The following RPS6KA1 variants were observed in gnomAD, a reference collection of about 807,000 sequenced individuals.
RPS6KA1 encodes ribosomal protein S6 kinase alpha-1.
A neutral mutation model predicts 91.3 loss-of-function variants in RPS6KA1; 48 were observed. That is an observed-to-expected ratio of 0.53 (90% CI 0.42 to 0.67). The LOEUF (loss-of-function observed/expected upper bound fraction) is 0.67, where lower values mean the gene tolerates loss of function less well. Ranked by LOEUF, RPS6KA1 falls within the 30% of genes least tolerant of loss-of-function variation. RPS6KA1 has a pLI of 0.00. For synonymous variants in RPS6KA1, 359 were observed against 384.7 expected (o/e 0.93, Z 0.78); for missense variants, 719 against 960.5 (o/e 0.75, Z 3.32).
chr1:26,531,260 G>A (rs993579956), intron 1 of RPS6KA1: 4 of 154,632 alleles, frequency 2.6e-5, no homozygotes, highest in Non-Finnish European at 5.8e-5. Flanking sequence ...TACAGGCACT[G>A]CTAGGCTGCT....
chr1:26,544,497 C>T (rs1410678048), intron 2 of RPS6KA1, among the ~76,000 whole-genome samples: 6 of 150,296 alleles, frequency 4.0e-5, no homozygotes, highest in South Asian at 2.1e-4. Flanking sequence ...TTTTTTGAAA[C>T]GGAGTCTCAC....
Position 26,547,250 on chromosome 1 carries a change from T to G in RPS6KA1, c.287T>G (p.Leu96Arg). 1 of 1,613,958 alleles carries G rather than the reference T, an allele frequency of 6.2e-7. No individual in the cohort carries two copies. The highest frequency in any genetic ancestry group is 8.5e-7 in the Non-Finnish European group (1 of 1,180,006). ...DSGHLYAMKV[L>R]KKATLKVRDR... Reference sequence around the variant, plus strand: ...GGGCACCTGTATGCTATGAAGGTGCTGAAGAAGGCAACGCTGAAAGGTGAG... The same window carrying G: ...GGGCACCTGTATGCTATGAAGGTGCGGAAGAAGGCAACGCTGAAAGGTGAG... Residue 96 changes from leucine to arginine, a missense_variant, in exon 4 of 22, where the codon CTG (leucine) becomes CGG (arginine). Transcript: ENST00000374168. This position sits in a 1 kb window ranked among gnomAD's most constrained non-coding sequence, Gnocchi z 4.1.
intron 17 of RPS6KA1, among the ~76,000 whole-genome samples, chr1:26,562,604 G>A (rs901109432): frequency 6.6e-5 from 10 of 152,152 alleles, no homozygotes; most frequent in Non-Finnish European, 2.9e-5. Flanking sequence ...ACTAGATGAC[G>A]GTGAGGTAGG....
intron 19 of RPS6KA1, 94 bp from the exon 20 acceptor site, chr1:26,572,082 C>A: frequency 1.5e-6 from 2 of 1,313,040 alleles, no homozygotes; most frequent in Admixed American, 1.7e-5. Context: ...CTTGGGAGTA[C>A]CCCATCTGAG....
chr1:26,560,178 C>T (rs1031003556), intron 14 of RPS6KA1, among the ~76,000 whole-genome samples: 2 of 152,244 alleles, frequency 1.3e-5, no homozygotes, highest in Middle Eastern at 3.2e-3. Flanking sequence ...GGACCGCATG[C>T]GCAAGCCAGG....
At chr1:26,548,351 T>C (rs1267116417) in intron 4 of RPS6KA1, among the ~76,000 whole-genome samples, 1 of 151,876 alleles carries the variant, frequency 6.6e-6, no homozygotes, top group Non-Finnish European at 1.5e-5. Context: ...GGTGGTGTAG[T>C]CTTGTAGAGG....
At chr1:26,565,763 T>C (rs981856053) in intron 17 of RPS6KA1, among the ~76,000 whole-genome samples, 2 of 152,130 alleles carry the variant, frequency 1.3e-5, no homozygotes, top group African/African-American at 2.4e-5. Context: ...GATTTCACCA[T>C]GTTGGCCAGG....
In RPS6KA1 at chr1:26,533,498, G is replaced by T. The variant is rs138757367; in HGVS notation, c.64-3427G>T. Among the ~76,000 whole-genome samples, 135 of 152,104 alleles carry T rather than the reference G, an allele frequency of 8.9e-4. 1 individual carries two copies. Among genetic ancestry groups the T allele is most frequent in the African/African-American group, 3.1e-3 (129 of 41,574 alleles). Reference sequence around the variant, plus strand: ...AGGCGGGTGGATCACCTGAGGTCAGGAGTTTGAGACCAGCTGGGCCAACAT... The same window carrying T: ...AGGCGGGTGGATCACCTGAGGTCAGTAGTTTGAGACCAGCTGGGCCAACAT... On this transcript the variant is annotated intron_variant, in intron 1 of 21. Coordinates refer to ENST00000374168, the MANE Select transcript of RPS6KA1 (RefSeq NM_002953.4).
At position 26,554,494 on chromosome 1, in the gene RPS6KA1, G is replaced by T. The variant is rs535267909; in HGVS notation, c.614-102G>T. On this transcript the variant is annotated intron_variant, in intron 8 of 21. Coordinates refer to ENST00000374168, the MANE Select transcript of RPS6KA1 (RefSeq NM_002953.4). The surrounding 1 kb of genome is among the most constrained non-coding windows in gnomAD (Gnocchi z 4.6). ...TAGCTTCCTCCTGAGTGTCATGGGG[G>T]TGATGCCTTCTGGCCTCTGGGCACG... 2.1e-6 allele frequency: 3 copies of T among 1,447,944 alleles called. No individual in the cohort carries two copies. The highest frequency in any genetic ancestry group is 2.8e-6 in the Non-Finnish European group (3 of 1,061,864). The allele number at this position is 1,447,944 out of a possible 1,614,324, so 89.7% of individuals were successfully genotyped here. A position where few individuals can be genotyped will look rare whatever the true frequency, so the allele number is the denominator to read the frequency against.
chr1:26,562,722 C>A (rs1447167843), intron 17 of RPS6KA1, among the ~76,000 whole-genome samples: 2 of 151,682 alleles, frequency 1.3e-5, no homozygotes, highest in Non-Finnish European at 2.9e-5. Flanking sequence ...GTTAAGAATG[C>A]AGGCTATGAA....
Position 26,548,711 on chromosome 1 carries a change from A to G in RPS6KA1, c.307+1441A>G, listed in dbSNP as rs540826337. Among the ~76,000 whole-genome samples the G allele has an allele frequency of 1.8e-4, 27 of 152,066 alleles. No homozygotes were observed. In the South Asian group the frequency reaches 5.6e-3, roughly 32 times the overall value. On this transcript the variant is annotated intron_variant, in intron 4 of 21. Coordinates refer to ENST00000374168, the MANE Select transcript of RPS6KA1 (RefSeq NM_002953.4). ...CTACTCAGGAGGTTGAGGCACAAGA[A>G]TTGCTTGAACCCAGGAGGTGGAGAT...
chr1:26,552,148 G>A (rs1333977274), intron 6 of RPS6KA1, among the ~76,000 whole-genome samples: 3 of 152,166 alleles, frequency 2.0e-5, no homozygotes, highest in African/African-American at 4.8e-5. Flanking sequence ...CCAGCACTTT[G>A]GGAGGCCGAG....
At chr1:26,572,630 C>T (rs546397028) in intron 20 of RPS6KA1, among the ~76,000 whole-genome samples, 110 of 152,222 alleles carry the variant, frequency 7.2e-4, no homozygotes, top group Middle Eastern at 3.4e-3. Context: ...CACAGATAGG[C>T]GGACGCTCTT....
intron 1 of RPS6KA1, 24 bp downstream of exon 1, chr1:26,530,007 G>A: frequency 1.5e-6 from 2 of 1,323,428 alleles, no homozygotes; most frequent in Middle Eastern, 5.8e-4. Context: ...GCGGGGGACG[G>A]GCGCCCGCGG....
Position 26,560,778 on chromosome 1 carries a change from C to A in RPS6KA1, c.1268C>A (p.Thr423Lys). 1 of 1,614,194 alleles carries A rather than the reference C, an allele frequency of 6.2e-7. No individual in the cohort carries two copies. Among genetic ancestry groups the A allele is most frequent in the Non-Finnish European group, 8.5e-7 (1 of 1,180,032 alleles). Residue 423 changes from threonine (T) to lysine (K), a missense_variant, in exon 15 of 22, where the codon ACA becomes AAA. Thr to Lys is a moderately conservative substitution (Grantham distance 78). Transcript: ENST00000374168. Reference protein sequence around the residue: ...VFSDGYVVKETIGVGSYSECK... With the variant: ...VFSDGYVVKEKIGVGSYSECK... ...AGTGACGGCTACGTGGTAAAGGAGA[C>A]AATTGGTGTGGGCTCCTACTCTGAG...
At chr1:26,569,012 G>A (rs2076227388) in intron 17 of RPS6KA1, among the ~76,000 whole-genome samples, 1 of 152,048 alleles carries the variant, frequency 6.6e-6, no homozygotes. Flanking sequence ...CTAGCCAACA[G>A]GGTGAAACCC....
At chr1:26,562,986 G>A (rs2076167681) in intron 17 of RPS6KA1, among the ~76,000 whole-genome samples, 1 of 151,790 alleles carries the variant, frequency 6.6e-6, no homozygotes, top group Admixed American at 6.6e-5. Context: ...AGAGGCGCCT[G>A]TCACCATGCC....
chr1:26,549,888 T>TTC (rs1235425471), intron 4 of RPS6KA1, among the ~76,000 whole-genome samples: 2 of 148,968 alleles, frequency 1.3e-5, no homozygotes, highest in East Asian at 2.0e-4. Flanking sequence ...ATATATTTTT[T>TTC]TCTTTTTTGA....
intron 11 of RPS6KA1, 103 bp from the exon 12 acceptor site, chr1:26,556,551 C>A: frequency 1.6e-6 from 2 of 1,246,656 alleles, no homozygotes; most frequent in Non-Finnish European, 1.2e-6. Flanking sequence ...TTCCCCTCTG[C>A]TCCAGCAGCT....
Sources: allele counts gnomAD v4.1 joint callset (sites outside exome capture counted in the v4.1 genomes callset), GRCh38; gene constraint gnomAD v4.1.1; non-coding constraint Gnocchi (gnomAD v3.1); transcripts MANE v1.5; gene names NCBI Gene and HGNC (gene_info 2026-07-23, HGNC 2026-07-21).